Variants in ZNF804A observed in about 807,000 individuals in gnomAD.
The protein encoded by ZNF804A is zinc finger protein 804A.
A neutral mutation model predicts 16.5 loss-of-function variants in ZNF804A; 2 were observed. That is an observed-to-expected ratio of 0.12 (90% CI 0.05 to 0.38). ZNF804A has a LOEUF of 0.38. ZNF804A is among the 10% of genes least tolerant of loss of function. ZNF804A has a pLI of 0.99. For missense variants in ZNF804A, 1,473 were observed against 1,390.7 expected, an observed-to-expected ratio of 1.06 and a Z score of -0.94; for synonymous variants, 534 against 489.6, an observed-to-expected ratio of 1.09 and a Z score of -1.20.
chr2:184,908,063 A>G (rs1025193296), intron 2 of ZNF804A, among the ~76,000 whole-genome samples: 5 of 152,138 alleles, frequency 3.3e-5, no homozygotes, highest in Non-Finnish European at 7.4e-5. Flanking sequence ...ATTAGTTTCC[A>G]ATTGCTTCTG....
intron 1 of ZNF804A, among the ~76,000 whole-genome samples, chr2:184,794,474 T>G (rs1168428010): frequency 6.6e-6 from 1 of 152,028 alleles, no homozygotes; most frequent in Non-Finnish European, 1.5e-5. Context: ...TGGATAGTAG[T>G]CCTTTGTCAG....
At chr2:184,663,467 G>A (rs181733398) in intron 1 of ZNF804A, among the ~76,000 whole-genome samples, 110 of 152,204 alleles carry the variant, frequency 7.2e-4, no homozygotes, top group Admixed American at 6.1e-3. Flanking sequence ...AGGGTGCCTC[G>A]GTGTGGGCCT....
intron 2 of ZNF804A, among the ~76,000 whole-genome samples, chr2:184,901,670 C>T (rs1178959532): frequency 2.0e-5 from 3 of 151,960 alleles, no homozygotes; most frequent in East Asian, 1.9e-4. Flanking sequence ...TTTAATCAAC[C>T]GTCATTGAAT....
At chr2:184,911,463 G>A (rs531344029) in intron 2 of ZNF804A, among the ~76,000 whole-genome samples, 45 of 151,796 alleles carry the variant, frequency 3.0e-4, no homozygotes, top group Non-Finnish European at 6.3e-4. Flanking sequence ...GCTCTTTTTT[G>A]GTTCCTTATC....
In ZNF804A at chr2:184,937,750, T is replaced by G; in HGVS notation, c.2354T>G (p.Leu785Ter). ...CATTCTTATTCTTCAGATGAAAGTT[T>G]AAATCGACAGAATCATTTACCAGAA... ...HSHSYSSDES[L>*]NRQNHLPEEF... is the part of the protein sequence containing the mutation. Residue 785 changes from leucine to a stop codon, truncating the protein, a stop_gained, in exon 4 of 4, where the codon TTA (leucine) becomes TGA (stop). Transcript: ENST00000302277. LOFTEE classifies it low-confidence loss of function (END_TRUNC). The G allele has an allele frequency of 6.2e-7, 1 of 1,614,016 alleles. No individual in the cohort carries two copies. The highest frequency in any genetic ancestry group is 8.5e-7 in the Non-Finnish European group (1 of 1,179,962).
chr2:184,794,900 C>G (rs749075218), intron 1 of ZNF804A, among the ~76,000 whole-genome samples: 7 of 151,690 alleles, frequency 4.6e-5, no homozygotes, highest in Admixed American at 1.3e-4. Flanking sequence ...ACCTAACATA[C>G]TGGAGTTCCC....
chr2:184,765,332 T>G (rs912612441), intron 1 of ZNF804A, among the ~76,000 whole-genome samples: 4 of 152,146 alleles, frequency 2.6e-5, no homozygotes, highest in East Asian at 1.9e-4. Context: ...TGTCGTCTTA[T>G]GCCCAATTTC....
At chr2:184,652,451 A>G (rs2105701250) in intron 1 of ZNF804A, among the ~76,000 whole-genome samples, 1 of 152,296 alleles carries the variant, frequency 6.6e-6, no homozygotes, top group African/African-American at 2.4e-5. Flanking sequence ...AAAAAATAAA[A>G]ATAAGGTAAA....
rs1275927566 is a variant in ZNF804A at position 184,850,227 on chromosome 2, AG to A, written c.112-16140del. 2.6e-5 allele frequency among the ~76,000 whole-genome samples: 4 copies of A among 152,066 alleles called. No individual in the cohort carries two copies. The East Asian group carries it at 7.7e-4, about 29-fold the overall frequency. ...AAATAATTAAAAGAGTGGAATTAGA[AG>A]GTTCCTAACACAAAGAAATGATGAA... is the stretch of plus-strand genomic sequence containing the variant. On this transcript the variant is annotated intron_variant, in intron 1 of 3. Coordinates refer to ENST00000302277, the MANE Select transcript of ZNF804A (RefSeq NM_194250.2).
chr2:184,622,552 A>G (rs905333225), intron 1 of ZNF804A, among the ~76,000 whole-genome samples: 3 of 151,848 alleles, frequency 2.0e-5, no homozygotes, highest in African/African-American at 4.8e-5. Context: ...ATAGACTTTC[A>G]TTCTATTGAA....
intron 1 of ZNF804A, among the ~76,000 whole-genome samples, chr2:184,861,838 C>T (rs1048599001): frequency 6.6e-6 from 1 of 152,248 alleles, no homozygotes; most frequent in Non-Finnish European, 1.5e-5. Context: ...TATTTCACTT[C>T]GCTGTCTACA....
intron 2 of ZNF804A, among the ~76,000 whole-genome samples, chr2:184,919,500 A>G (rs1171163476): frequency 6.6e-6 from 1 of 152,182 alleles, no homozygotes; most frequent in Admixed American, 6.5e-5. Flanking sequence ...GAAAGAGGCT[A>G]TCTACCTGAT....
intron 1 of ZNF804A, among the ~76,000 whole-genome samples, chr2:184,692,777 C>T (rs1202764341): frequency 1.3e-5 from 2 of 152,086 alleles, no homozygotes; most frequent in South Asian, 2.1e-4. Flanking sequence ...CCAATATCAT[C>T]GTAATAATAA....
chr2:184,658,376 G>A (rs1692115443), intron 1 of ZNF804A, among the ~76,000 whole-genome samples: 1 of 152,168 alleles, frequency 6.6e-6, no homozygotes, highest in Non-Finnish European at 1.5e-5. Flanking sequence ...CTCTGGTTGA[G>A]CCAGGAGAAT....
chr2:184,792,446 C>A (rs1694563223), intron 1 of ZNF804A, among the ~76,000 whole-genome samples: 1 of 151,932 alleles, frequency 6.6e-6, no homozygotes, highest in African/African-American at 2.4e-5. Context: ...CCTTTTTTGC[C>A]ATCTGTTTAT....
intron 1 of ZNF804A, among the ~76,000 whole-genome samples, chr2:184,686,029 C>T (rs778700802): frequency 2.6e-5 from 4 of 152,224 alleles, no homozygotes; most frequent in Admixed American, 1.3e-4. Flanking sequence ...TCCAAGTGCA[C>T]GTACACCTGG....
chr2:184,773,424 A>G (rs1420014355), intron 1 of ZNF804A, among the ~76,000 whole-genome samples: 1 of 151,932 alleles, frequency 6.6e-6, no homozygotes, highest in African/African-American at 2.4e-5. Flanking sequence ...AAGAGAACAA[A>G]CCTGCTAACA....
intron 1 of ZNF804A, among the ~76,000 whole-genome samples, chr2:184,618,446 T>C (rs937309924): frequency 6.6e-6 from 1 of 152,010 alleles, no homozygotes; most frequent in Non-Finnish European, 1.5e-5. Context: ...TGCACCAAGA[T>C]AGGAAAAAAA....
intron 1 of ZNF804A, among the ~76,000 whole-genome samples, chr2:184,781,644 T>G (rs1694372860): frequency 6.6e-6 from 1 of 151,820 alleles, no homozygotes; most frequent in African/African-American, 2.4e-5. Context: ...GTATTTTCTG[T>G]TATTGACTCC....
Sources: allele counts gnomAD v4.1 joint callset (sites outside exome capture counted in the v4.1 genomes callset), GRCh38; gene constraint gnomAD v4.1.1; transcripts MANE v1.5; gene names NCBI Gene and HGNC (gene_info 2026-07-23, HGNC 2026-07-21).